The following CSMD1 variants were observed in gnomAD, a reference collection of about 807,000 sequenced individuals.
CSMD1 encodes the protein CUB and sushi domain-containing protein 1.
CSMD1 carries 213 observed loss-of-function variants against 417.5 expected under a neutral mutation model. The ratio of observed to expected loss-of-function variants is 0.51; its 90% CI spans 0.46 to 0.57. CSMD1 has a LOEUF of 0.57. CSMD1 is among the 20% of genes least tolerant of loss of function. The pLI is 0.00. For missense variants in CSMD1, 6,923 were observed against 4,529.7 expected (o/e 1.53, Z -15.17); for synonymous variants, 2,862 against 1,736.8 (o/e 1.65, Z -16.11).
At chr8:3,502,612 G>C (rs763910107) in intron 10 of CSMD1, among the ~76,000 whole-genome samples, 1 of 152,126 alleles carries the variant, frequency 6.6e-6, no homozygotes, top group Non-Finnish European at 1.5e-5. Flanking sequence ...GCCAATTTTA[G>C]AAGGTGACGT....
intron 3 of CSMD1, among the ~76,000 whole-genome samples, chr8:4,111,760 G>C (rs1801869450): frequency 2.0e-5 from 3 of 152,114 alleles, no homozygotes; most frequent in South Asian, 4.2e-4. Flanking sequence ...CACACACTGG[G>C]AACTGTTGTG....
At chr8:4,444,512 G>T (rs185394463) in intron 2 of CSMD1, among the ~76,000 whole-genome samples, 1 of 152,042 alleles carries the variant, frequency 6.6e-6, no homozygotes. Flanking sequence ...TGACAGACAA[G>T]TTTTTTTAGC....
At chr8:4,559,208 G>C (rs1798222314) in intron 2 of CSMD1, among the ~76,000 whole-genome samples, 1 of 152,066 alleles carries the variant, frequency 6.6e-6, no homozygotes, top group Non-Finnish European at 1.5e-5. Flanking sequence ...AGTCTCTTAT[G>C]ACTTTAAGTT....
intron 3 of CSMD1, among the ~76,000 whole-genome samples, chr8:4,245,035 C>G (rs771121792): frequency 6.6e-6 from 1 of 152,130 alleles, no homozygotes; most frequent in Non-Finnish European, 1.5e-5. Flanking sequence ...AACTATAAAA[C>G]CACCATTCAT....
rs140932592 is a variant in CSMD1, at chr8:4,103,697, C to G, written c.416-71598G>C. On this transcript the variant is annotated intron_variant, in intron 3 of 69. Coordinates refer to ENST00000635120, the MANE Select transcript of CSMD1 (RefSeq NM_033225.6). ...ACATGATTATAAACTGGAGTGAATG[C>G]TTAAAACCCATGATAAGAGTTCCTT... Among the ~76,000 whole-genome samples the G allele has an allele frequency of 2.6e-5, 4 of 152,126 alleles. No homozygotes were observed. The East Asian group carries it at 7.7e-4, about 29-fold the overall frequency.
At chr8:3,175,552 T>C (rs1390221562) in intron 37 of CSMD1, among the ~76,000 whole-genome samples, 18 of 132,686 alleles carry the variant, frequency 1.4e-4, no homozygotes, top group Admixed American at 3.9e-4. Flanking sequence ...TCCCTCCCTC[T>C]CTCCCTCCCT....
At chr8:3,500,214 C>G (rs10107506) in intron 10 of CSMD1, among the ~76,000 whole-genome samples, 11,600 of 152,174 alleles carry the variant, frequency 0.076, 463 homozygotes, top group Middle Eastern at 0.099. Context: ...AGTGTTCTCC[C>G]CTAGACACTG....
intron 3 of CSMD1, among the ~76,000 whole-genome samples, chr8:4,250,202 G>A (rs1802969496): frequency 6.6e-6 from 1 of 152,036 alleles, no homozygotes; most frequent in South Asian, 2.1e-4. Flanking sequence ...CAAAGTACCT[G>A]GTCTGTAGTA....
chr8:3,912,702 C>A (rs1237945276), intron 5 of CSMD1, among the ~76,000 whole-genome samples: 2 of 152,140 alleles, frequency 1.3e-5, no homozygotes, highest in African/African-American at 2.4e-5. Context: ...CAGAATACGA[C>A]AACTGATGGG....
intron 1 of CSMD1, among the ~76,000 whole-genome samples, chr8:4,745,610 G>C (rs565111838): frequency 6.6e-6 from 1 of 152,014 alleles, no homozygotes; most frequent in Non-Finnish European, 1.5e-5. Flanking sequence ...GAGAGAGAGG[G>C]AGAAGTAGAA....
intron 2 of CSMD1, among the ~76,000 whole-genome samples, chr8:4,633,490 C>T (rs764300338): frequency 1.3e-5 from 2 of 151,946 alleles, no homozygotes; most frequent in Non-Finnish European, 2.9e-5. Flanking sequence ...ACCTCGTGAT[C>T]CAACTGCCTC....
intron 26 of CSMD1, among the ~76,000 whole-genome samples, chr8:3,251,989 A>G (rs1249325090): frequency 6.6e-6 from 1 of 152,218 alleles, no homozygotes; most frequent in Non-Finnish European, 1.5e-5. Flanking sequence ...TTTTCTAGAT[A>G]TAGAATCATG....
intron 18 of CSMD1, among the ~76,000 whole-genome samples, chr8:3,383,656 T>C (rs1333283368): frequency 6.6e-6 from 1 of 152,024 alleles, no homozygotes; most frequent in Non-Finnish European, 1.5e-5. Flanking sequence ...AATAAAAGAC[T>C]TACAATGTGT....
chr8:4,342,263 G>A (rs1563074165), intron 3 of CSMD1, among the ~76,000 whole-genome samples: 1 of 150,760 alleles, frequency 6.6e-6, no homozygotes, highest in African/African-American at 2.4e-5. Flanking sequence ...CTGTATGTGT[G>A]TGTGTAGAGG....
intron 5 of CSMD1, among the ~76,000 whole-genome samples, chr8:3,862,200 T>G (rs372209397): frequency 6.9e-4 from 105 of 152,334 alleles, no homozygotes; most frequent in Middle Eastern, 6.8e-3. Flanking sequence ...TTCTAACTCT[T>G]TTACAAATTA....
At chr8:3,640,417 C>T in intron 7 of CSMD1, among the ~76,000 whole-genome samples, 1 of 152,176 alleles carries the variant, frequency 6.6e-6, no homozygotes, top group East Asian at 1.9e-4. Context: ...ATTGTAAAGA[C>T]CAGAGACCAT....
At chr8:3,281,549 A>C (rs1191510941) in intron 26 of CSMD1, among the ~76,000 whole-genome samples, 1 of 152,212 alleles carries the variant, frequency 6.6e-6, no homozygotes, top group Non-Finnish European at 1.5e-5. Context: ...TGGAGCTTGA[A>C]AGTGTCTTAC....
Position 4,188,663 on chromosome 8 carries a change from A to T in CSMD1, c.416-156564T>A, listed in dbSNP as rs576342817. On this transcript the variant is annotated intron_variant, in intron 3 of 69. Transcript: ENST00000635120. Reference sequence around the variant, plus strand: ...TATCGGAAAAATGAAAACTCTCATAAAACAGTCTAGTCTTTTAACCTTTAT... The same window carrying T: ...TATCGGAAAAATGAAAACTCTCATATAACAGTCTAGTCTTTTAACCTTTAT... Among the ~76,000 whole-genome samples, 16 of 152,252 alleles carry T rather than the reference A, an allele frequency of 1.1e-4. No homozygotes were observed. The East Asian group carries it at 2.9e-3, about 28-fold the overall frequency.
intron 51 of CSMD1, among the ~76,000 whole-genome samples, chr8:3,025,425 A>C (rs958588373): frequency 1.1e-4 from 16 of 149,674 alleles, no homozygotes; most frequent in African/African-American, 2.2e-4. Flanking sequence ...GTGTGGTGTT[A>C]TTCTGAAACC....
Sources: allele counts gnomAD v4.1 joint callset (sites outside exome capture counted in the v4.1 genomes callset), GRCh38; gene constraint gnomAD v4.1.1; transcripts MANE v1.5; gene names NCBI Gene and HGNC (gene_info 2026-07-23, HGNC 2026-07-21).